CTIF: variants seen among roughly 807,000 people sequenced by gnomAD.
The protein encoded by CTIF is CBP80/20-dependent translation initiation factor.
A neutral mutation model predicts 66.0 loss-of-function variants in CTIF; 21 were observed. The ratio of observed to expected loss-of-function variants is 0.32; its 90% CI spans 0.23 to 0.46. CTIF has a LOEUF of 0.46. Among genes scored for constraint, CTIF ranks in the 20% least tolerant of loss-of-function variants. CTIF has a pLI of 1.00. For missense variants in CTIF, 739 were observed against 812.7 expected, an observed-to-expected ratio of 0.91 and a Z score of 1.10; for synonymous variants, 345 against 326.4, an observed-to-expected ratio of 1.06 and a Z score of -0.62.
chr18:48,724,146 G>T (rs1035328943), intron 7 of CTIF, among the ~76,000 whole-genome samples: 4 of 152,166 alleles, frequency 2.6e-5, no homozygotes, highest in Admixed American at 6.5e-5. Context: ...GCTGGATGGG[G>T]TTGCCCATTC....
intron 10 of CTIF, among the ~76,000 whole-genome samples, chr18:48,848,983 A>C (rs753431045): frequency 2.6e-4 from 39 of 152,224 alleles, no homozygotes; most frequent in Non-Finnish European, 5.0e-4. Flanking sequence ...GTTCGAGGGC[A>C]CGGGAGGCTT....
intron 9 of CTIF, among the ~76,000 whole-genome samples, chr18:48,797,947 G>T (rs886245954): frequency 6.6e-6 from 1 of 152,174 alleles, no homozygotes; most frequent in South Asian, 2.1e-4. Context: ...CCAGTAGCAG[G>T]TGGAGAGAGA....
At chr18:48,816,193 A>G (rs1264317106) in intron 9 of CTIF, among the ~76,000 whole-genome samples, 1 of 152,188 alleles carries the variant, frequency 6.6e-6, no homozygotes, top group African/African-American at 2.4e-5. Context: ...TCTTCTTAGG[A>G]TGACAGAAGA....
At chr18:48,734,276 A>G (rs1470331687) in intron 7 of CTIF, among the ~76,000 whole-genome samples, 4 of 152,180 alleles carry the variant, frequency 2.6e-5, no homozygotes, top group African/African-American at 9.7e-5. Context: ...CTACATTAAA[A>G]TTATTTGGGC....
At chr18:48,595,516 TC>T (rs1351385284) in intron 1 of CTIF, among the ~76,000 whole-genome samples, 2 of 152,104 alleles carry the variant, frequency 1.3e-5, no homozygotes, top group Admixed American at 6.5e-5. Flanking sequence ...AGCTTCAACC[TC>T]CCAGTCTCAA....
rs1478239725 is a variant in CTIF at position 48,817,264 on chromosome 18, A to G, written c.1415A>G (p.Glu472Gly). The change falls in exon 10 of 12, where the codon GAG becomes GGG. Residue 472 changes from glutamate (E) to glycine (G), a missense_variant. Physicochemically the swap from Glu to Gly is moderately conservative, Grantham distance 98. This residue lies in a region of CTIF where 210 missense variants were observed against 292.3 expected (regional missense o/e 0.72). Transcript: ENST00000256413. ...VREELQQQDV[E>G]RWLGFITFLC... Reference sequence around the variant, plus strand: ...GAGGAGCTGCAGCAGCAGGACGTGGAGCGCTGGCTGGGCTTCATCACCTTC... The same window carrying G: ...GAGGAGCTGCAGCAGCAGGACGTGGGGCGCTGGCTGGGCTTCATCACCTTC... 1.2e-6 allele frequency: 2 copies of G among 1,613,896 alleles called. No homozygotes were observed. The highest frequency in any genetic ancestry group is 1.7e-6 in the Non-Finnish European group (2 of 1,179,970).
At chr18:48,682,717 G>T (rs888904960) in intron 6 of CTIF, among the ~76,000 whole-genome samples, 1 of 152,232 alleles carries the variant, frequency 6.6e-6, no homozygotes, top group African/African-American at 2.4e-5. Flanking sequence ...ATTTGCAAAT[G>T]GTTTGGTGAT....
intron 1 of CTIF, among the ~76,000 whole-genome samples, chr18:48,570,526 C>T (rs1487323650): frequency 6.6e-6 from 1 of 152,174 alleles, no homozygotes; most frequent in African/African-American, 2.4e-5. Context: ...GACAGACATC[C>T]ACGCACACAC....
intron 10 of CTIF, among the ~76,000 whole-genome samples, chr18:48,827,006 G>A (rs2068595278): frequency 6.6e-6 from 1 of 152,128 alleles, no homozygotes; most frequent in Admixed American, 6.5e-5. Flanking sequence ...GGGAAATGGG[G>A]AAAGCCTCCA....
At chr18:48,633,082 T>A (rs1482510338) in intron 2 of CTIF, among the ~76,000 whole-genome samples, 1 of 123,140 alleles carries the variant, frequency 8.1e-6, no homozygotes, top group Non-Finnish European at 1.9e-5. Flanking sequence ...GGAGAAGGTG[T>A]GTCCCCCGTG....
intron 9 of CTIF, among the ~76,000 whole-genome samples, chr18:48,801,714 C>T (rs1166605451): frequency 6.6e-6 from 1 of 152,178 alleles, no homozygotes; most frequent in Admixed American, 6.5e-5. Context: ...AATTGGGCCA[C>T]TCATTGAAAG....
chr18:48,711,802 C>T, intron 7 of CTIF, 107 bp downstream of exon 7: 2 of 928,340 alleles, frequency 2.2e-6, no homozygotes, highest in South Asian at 1.4e-5. Flanking sequence ...ACCAGCTGAT[C>T]CTGATGAGAT....
chr18:48,690,283 C>G (rs773532002), intron 6 of CTIF, among the ~76,000 whole-genome samples: 1 of 152,332 alleles, frequency 6.6e-6, no homozygotes, highest in East Asian at 1.9e-4. Context: ...CTCCTTGCCC[C>G]TTGGCTGTTG....
intron 9 of CTIF, among the ~76,000 whole-genome samples, chr18:48,771,632 C>T (rs1054377320): frequency 1.3e-5 from 2 of 152,202 alleles, no homozygotes; most frequent in Non-Finnish European, 2.9e-5. Context: ...GAGGCTGCCA[C>T]GCCGAAGCAG....
Position 48,781,814 on chromosome 18 carries a change from T to C in CTIF, c.1371+20125T>C, listed in dbSNP as rs548330839. ...TGGATTGTACCACTAATTTGACATA[T>C]GAACTTGGATACTTCCCCTAATATT... On this transcript the variant is annotated intron_variant, in intron 9 of 11. Coordinates refer to ENST00000256413, the MANE Select transcript of CTIF (RefSeq NM_014772.3). 3.0e-4 allele frequency among the ~76,000 whole-genome samples: 45 copies of C among 152,282 alleles called. 1 individual carries two copies. The South Asian group carries it at 8.5e-3, about 29-fold the overall frequency.
At chr18:48,729,770 G>C (rs2092420888) in intron 7 of CTIF, among the ~76,000 whole-genome samples, 1 of 152,232 alleles carries the variant, frequency 6.6e-6, no homozygotes. Context: ...CTCGGGTAGA[G>C]GACCAGATAT....
At chr18:48,625,157 A>C in intron 2 of CTIF, 2 of 957,564 alleles carry the variant, frequency 2.1e-6, no homozygotes, top group Non-Finnish European at 2.5e-6. Flanking sequence ...TTCTGCCCTT[A>C]AATTCATTTT....
At chr18:48,552,971 C>T (rs2088920056) in intron 1 of CTIF, among the ~76,000 whole-genome samples, 1 of 152,210 alleles carries the variant, frequency 6.6e-6, no homozygotes, top group South Asian at 2.1e-4. Flanking sequence ...CTCTGATCCT[C>T]TCATTCTGAG....
In CTIF at chr18:48,698,104, T is replaced by TA. The variant is rs527429582; in HGVS notation, c.508-13478dup. 5.4e-4 allele frequency among the ~76,000 whole-genome samples: 7 copies of TA among 13,070 alleles called. 1 individual carries two copies. Among genetic ancestry groups the TA allele is most frequent in the Non-Finnish European group, 9.8e-4 (5 of 5,078 alleles). The allele number at this position is 13,070 out of a possible 152,430, so 8.6% of individuals were successfully genotyped here. On this transcript the variant is annotated intron_variant, in intron 6 of 11. Coordinates refer to ENST00000256413, the MANE Select transcript of CTIF (RefSeq NM_014772.3). Reference sequence around the variant, plus strand: ...ACTCAGTGGAAAATGTAGCCATCATTAAAAAAAAAAAAAAAAAAAAAAAAA... The same window carrying TA: ...ACTCAGTGGAAAATGTAGCCATCATTAAAAAAAAAAAAAAAAAAAAAAAAAA...
Sources: gnomAD v4.1 joint callset for allele counts (sites outside exome capture counted in the v4.1 genomes callset) on GRCh38, gnomAD v4.1.1 for gene constraint, gnomAD v4.1.1 regional missense constraint, MANE v1.5 for transcripts, NCBI Gene and HGNC (gene_info 2026-07-23, HGNC 2026-07-21) for gene names.